Variants in GABRB1 observed in about 807,000 individuals in gnomAD.
GABRB1 encodes the protein gamma-aminobutyric acid type A receptor subunit beta1, also known as gamma-aminobutyric acid receptor subunit beta-1.
A neutral mutation model predicts 51.6 loss-of-function variants in GABRB1; 17 were observed. The observed-to-expected ratio is 0.33, with a 90% CI of 0.23 to 0.49. The LOEUF is 0.49. Ranked by LOEUF, GABRB1 falls within the 20% of genes least tolerant of loss-of-function variation. The pLI, the probability that GABRB1 is intolerant of heterozygous loss-of-function variation, is 0.99. For synonymous variants in GABRB1, 247 were observed against 218.9 expected (o/e 1.13, Z -1.14); for missense variants, 410 against 600.6 (o/e 0.68, Z 3.32).
chr4:47,098,320 T>G (rs1168017236), intron 3 of GABRB1, among the ~76,000 whole-genome samples: 1 of 152,128 alleles, frequency 6.6e-6, no homozygotes, highest in Admixed American at 6.6e-5. Flanking sequence ...TCATTTACTC[T>G]GGGGGGTTAT....
intron 5 of GABRB1, among the ~76,000 whole-genome samples, chr4:47,391,128 A>T (rs1262874302): frequency 6.6e-6 from 1 of 152,120 alleles, no homozygotes; most frequent in Non-Finnish European, 1.5e-5. Context: ...GTGAGCCAGG[A>T]TCACCCCACT....
At chr4:47,040,907 C>T (rs1010249476) in intron 3 of GABRB1, among the ~76,000 whole-genome samples, 21 of 152,080 alleles carry the variant, frequency 1.4e-4, no homozygotes, top group Non-Finnish European at 8.8e-5. Context: ...TTCAATCCTT[C>T]CAGAGGCGTG....
chr4:47,061,340 G>A (rs978528737), intron 3 of GABRB1, among the ~76,000 whole-genome samples: 2 of 152,174 alleles, frequency 1.3e-5, no homozygotes, highest in African/African-American at 4.8e-5. Flanking sequence ...AAAGCTTTGA[G>A]AAGTGATGTT....
intron 3 of GABRB1, among the ~76,000 whole-genome samples, chr4:47,039,240 A>T (rs567609170): frequency 5.9e-5 from 9 of 151,658 alleles, no homozygotes; most frequent in African/African-American, 2.2e-4. Flanking sequence ...TAAGTGAACC[A>T]ATGTATCTTT....
chr4:47,373,842 T>C (rs1304453312), intron 5 of GABRB1, among the ~76,000 whole-genome samples: 1 of 152,190 alleles, frequency 6.6e-6, no homozygotes, highest in East Asian at 1.9e-4. Flanking sequence ...ATAGAGTGCG[T>C]ATCAGCTCAG....
intron 3 of GABRB1, among the ~76,000 whole-genome samples, chr4:47,071,697 A>T (rs1047001022): frequency 6.7e-6 from 1 of 150,098 alleles, no homozygotes; most frequent in Non-Finnish European, 1.5e-5. Context: ...AGCTTGCATA[A>T]GGCTGGGACA....
At chr4:47,329,672 A>G (rs1725396482) in intron 5 of GABRB1, among the ~76,000 whole-genome samples, 1 of 148,396 alleles carries the variant, frequency 6.7e-6, no homozygotes, top group African/African-American at 2.5e-5. Context: ...ATATATATAA[A>G]ATATATATGT....
intron 3 of GABRB1, among the ~76,000 whole-genome samples, chr4:47,156,638 C>A (rs1266337395): frequency 6.6e-6 from 1 of 150,832 alleles, no homozygotes; most frequent in Non-Finnish European, 1.5e-5. Flanking sequence ...TTATACTATA[C>A]CTTTAATCAT....
At chr4:47,041,244 A>G (rs1725823612) in intron 3 of GABRB1, among the ~76,000 whole-genome samples, 1 of 152,106 alleles carries the variant, frequency 6.6e-6, no homozygotes, top group Non-Finnish European at 1.5e-5. Context: ...CAAGAATGAA[A>G]ACATTTGAAT....
chr4:47,023,307 T>G (rs970042936), intron 1 of GABRB1, among the ~76,000 whole-genome samples: 1 of 152,050 alleles, frequency 6.6e-6, no homozygotes, highest in Non-Finnish European at 1.5e-5. Flanking sequence ...ATGTACATTT[T>G]AAAATAACTT....
intron 4 of GABRB1, among the ~76,000 whole-genome samples, chr4:47,175,216 C>T (rs1434210840): frequency 6.8e-6 from 1 of 146,964 alleles, no homozygotes; most frequent in Non-Finnish European, 1.5e-5. Context: ...TTCTTTCTCT[C>T]TTTCTTCTCT....
At chr4:47,360,756 T>TTA (rs1417933506) in intron 5 of GABRB1, among the ~76,000 whole-genome samples, 1 of 152,076 alleles carries the variant, frequency 6.6e-6, no homozygotes, top group Non-Finnish European at 1.5e-5. Flanking sequence ...ATATGTGTTA[T>TTA]TATATAGAGA....
intron 4 of GABRB1, among the ~76,000 whole-genome samples, chr4:47,190,930 C>A (rs1477232775): frequency 1.3e-5 from 2 of 152,126 alleles, no homozygotes; most frequent in East Asian, 3.9e-4. Flanking sequence ...ACTGCTGGAG[C>A]CAGATCTAAC....
chr4:47,384,267 A>G (rs886172623), intron 5 of GABRB1, among the ~76,000 whole-genome samples: 5 of 152,080 alleles, frequency 3.3e-5, no homozygotes, highest in Non-Finnish European at 7.4e-5. Flanking sequence ...TTTTCTCTTA[A>G]CAACATACCA....
intron 4 of GABRB1, among the ~76,000 whole-genome samples, chr4:47,172,631 CTTTTTTT>C (rs71195611): frequency 3.0e-5 from 2 of 65,800 alleles, no homozygotes; most frequent in Non-Finnish European, 5.1e-5. Flanking sequence ...TTAGATTTAA[CTTTTTTT>C]TTTTTTTTTT....
intron 5 of GABRB1, among the ~76,000 whole-genome samples, chr4:47,374,238 A>G (rs1727303153): frequency 6.6e-6 from 1 of 152,016 alleles, no homozygotes; most frequent in Admixed American, 6.6e-5. Context: ...AATAAAAGAA[A>G]ATTAGCTGGG....
chr4:47,237,501 T>C (rs1387213824), intron 4 of GABRB1, among the ~76,000 whole-genome samples: 1 of 152,086 alleles, frequency 6.6e-6, no homozygotes, highest in Non-Finnish European at 1.5e-5. Flanking sequence ...TAATTCATTC[T>C]GACTGAGGAA....
At position 47,320,115 on chromosome 4, in the gene GABRB1, CCT is replaced by C; in HGVS notation, c.462-7_462-6del. The C allele has an allele frequency of 6.5e-7, 1 of 1,545,628 alleles. No homozygotes were observed. The highest frequency in any genetic ancestry group is 8.9e-7 in the Non-Finnish European group (1 of 1,117,542). On this transcript the variant is annotated splice_polypyrimidine_tract_variant and intron_variant, in intron 4 of 8. Coordinates refer to ENST00000295454, the MANE Select transcript of GABRB1 (RefSeq NM_000812.4). ...TTGTAATGTTTTCTTTTTTCTCTCT[CCT>C]CTCTATCAGAATCACAACCACAGCT... is the stretch of plus-strand genomic sequence containing the variant.
rs952802238 is a variant in GABRB1 at position 47,150,998 on chromosome 4, G to C, written c.241-10251G>C. Among the ~76,000 whole-genome samples the C allele has an allele frequency of 3.7e-4, 56 of 151,980 alleles. 2 individuals carry two copies. Among genetic ancestry groups the C allele is most frequent in the Non-Finnish European group, 1.0e-4 (7 of 67,878 alleles). On this transcript the variant is annotated intron_variant, in intron 3 of 8. Coordinates refer to ENST00000295454, the MANE Select transcript of GABRB1 (RefSeq NM_000812.4). ...AGATAATGTGGTAAAGTTGGCATTT[G>C]GGCATTATAATCAGGCTATTCATTC...
Sources: gnomAD v4.1 joint callset for allele counts (sites outside exome capture counted in the v4.1 genomes callset) on GRCh38, gnomAD v4.1.1 for gene constraint, MANE v1.5 for transcripts, NCBI Gene and HGNC (gene_info 2026-07-23, HGNC 2026-07-21) for gene names.